The following CREB3L2 variants were observed in gnomAD, a reference collection of about 807,000 sequenced individuals.
The protein encoded by CREB3L2 is cyclic AMP-responsive element-binding protein 3-like protein 2.
Under a neutral mutation model 57.2 loss-of-function variants are expected in CREB3L2, and 23 were observed. The observed-to-expected ratio is 0.40, with a 90% CI of 0.29 to 0.57. The LOEUF (loss-of-function observed/expected upper bound fraction) is 0.57. Ranked by LOEUF, CREB3L2 falls within the 20% of genes least tolerant of loss-of-function variation. CREB3L2 has a pLI of 0.42. For synonymous variants in CREB3L2, 268 were observed against 265.1 expected (o/e 1.01, Z -0.11); for missense variants, 628 against 634.7 (o/e 0.99, Z 0.11).
At position 137,880,683 on chromosome 7, in the gene CREB3L2, T is replaced by C; in HGVS notation, c.1488-132A>G. The C allele has an allele frequency of 1.4e-6, 1 of 713,652 alleles. No homozygotes were observed. Among genetic ancestry groups the C allele is most frequent in the South Asian group, 1.6e-5 (1 of 63,064 alleles). 44.2% of individuals were successfully genotyped at this position (713,652 alleles called of 1,614,324 possible). A position where few individuals can be genotyped will look rare whatever the true frequency, so the allele number is the denominator to read the frequency against. On this transcript the variant is annotated intron_variant, in intron 11 of 11. Coordinates refer to ENST00000330387, the MANE Select transcript of CREB3L2 (RefSeq NM_194071.4). This position sits in a 1 kb window ranked among gnomAD's most constrained non-coding sequence, Gnocchi z 4.0. ...ACGGCCTGGGCATGTTTCTTGTCCT[T>C]TTCTCTCCTAGTAGCAATTCTCTGT...
At chr7:137,989,204 G>C (rs1801843317) in intron 1 of CREB3L2, among the ~76,000 whole-genome samples, 1 of 152,110 alleles carries the variant, frequency 6.6e-6, no homozygotes, top group East Asian at 1.9e-4. Context: ...CTGGAAACCA[G>C]GCCTCTCCTT....
intron 10 of CREB3L2, chr7:137,884,747 G>A: frequency 3.3e-6 from 2 of 611,348 alleles, no homozygotes; most frequent in South Asian, 4.0e-5. Flanking sequence ...ATGGATCAGG[G>A]AACACAGTCT....
At chr7:137,882,987 C>T (rs1299758021) in intron 10 of CREB3L2, among the ~76,000 whole-genome samples, 1 of 152,084 alleles carries the variant, frequency 6.6e-6, no homozygotes, top group Non-Finnish European at 1.5e-5. Flanking sequence ...TGTCCAGACC[C>T]AGCTAAAAGA....
Position 137,874,996 on chromosome 7 carries a change from A to G in CREB3L2, c.*5480T>C, listed in dbSNP as rs1323893481. 5.5e-6 allele frequency: 1 copy of G among 181,896 alleles called. No individual in the cohort carries two copies. The highest frequency in any genetic ancestry group is 1.2e-5 in the Non-Finnish European group (1 of 85,150). 11.3% of individuals were successfully genotyped at this position (181,896 alleles called of 1,614,324 possible). On this transcript the variant is annotated 3_prime_UTR_variant, in exon 12 of 12. Transcript: ENST00000330387. Reference sequence around the variant, plus strand: ...GCAACATCTTACTATTTAAGAAAAAATATTTATTTGCAAGAAATGGAAATA... The same window carrying G: ...GCAACATCTTACTATTTAAGAAAAAGTATTTATTTGCAAGAAATGGAAATA...
chr7:137,903,183 T>C (rs143891635), intron 7 of CREB3L2, among the ~76,000 whole-genome samples: 1 of 152,238 alleles, frequency 6.6e-6, no homozygotes, highest in Non-Finnish European at 1.5e-5. Context: ...CCCCCAGATA[T>C]GGAGAGCCAA....
At chr7:137,964,408 C>A (rs1243496297) in intron 1 of CREB3L2, among the ~76,000 whole-genome samples, 3 of 152,238 alleles carry the variant, frequency 2.0e-5, no homozygotes, top group African/African-American at 4.8e-5. Flanking sequence ...ACACTTGTCA[C>A]TACCAAATCA....
intron 7 of CREB3L2, 37 bp from the exon 8 acceptor site, chr7:137,901,459 T>C (rs1478338136): frequency 1.5e-5 from 20 of 1,367,606 alleles, no homozygotes; most frequent in Admixed American, 1.0e-4. Context: ...TTATTATCCA[T>C]AGAGCAAACA....
intron 1 of CREB3L2, among the ~76,000 whole-genome samples, chr7:137,992,896 A>C (rs1801924538): frequency 6.6e-6 from 1 of 152,224 alleles, no homozygotes; most frequent in Non-Finnish European, 1.5e-5. Context: ...AGTAGGACCC[A>C]GCGGGCAGAG....
intron 1 of CREB3L2, among the ~76,000 whole-genome samples, chr7:137,994,965 A>G (rs1254609564): frequency 1.3e-5 from 2 of 152,220 alleles, no homozygotes; most frequent in African/African-American, 4.8e-5. Context: ...AATGATCCCA[A>G]TGGTCATGCT....
chr7:137,926,565 C>A (rs184296322), intron 2 of CREB3L2, among the ~76,000 whole-genome samples: 1 of 152,178 alleles, frequency 6.6e-6, no homozygotes, highest in East Asian at 1.9e-4. Flanking sequence ...ACATCACACA[C>A]CAGGGCCTGT....
chr7:137,955,605 G>C (rs1279841889), intron 1 of CREB3L2, among the ~76,000 whole-genome samples: 1 of 152,050 alleles, frequency 6.6e-6, no homozygotes, highest in Non-Finnish European at 1.5e-5. Context: ...CCACCACCTC[G>C]ACTTTTCAAA....
At chr7:137,888,081 T>C (rs1305579195) in intron 8 of CREB3L2, among the ~76,000 whole-genome samples, 1 of 152,110 alleles carries the variant, frequency 6.6e-6, no homozygotes. Flanking sequence ...GCCTCCTGAG[T>C]AGCTGGGAGG....
At position 137,972,724 on chromosome 7, in the gene CREB3L2, TATATATATATATAGAGAGAGAGAG is replaced by T. The variant is rs1199432172; in HGVS notation, c.102+28856_102+28879del. On this transcript the variant is annotated intron_variant, in intron 1 of 11. Transcript: ENST00000330387. ...AAAAAAAAAAAAAAATATATATATA[TATATATATATATAGAGAGAGAGAG>T]AGAGAGAGAGAGAGAGAGAGAGAAA... Among the ~76,000 whole-genome samples the T allele has an allele frequency of 2.3e-3, 52 of 22,456 alleles. 2 individuals carry two copies. Among genetic ancestry groups the T allele is most frequent in the African/African-American group, 0.017 (52 of 3,056 alleles). 14.7% of individuals were successfully genotyped at this position (22,456 alleles called of 152,430 possible).
intron 4 of CREB3L2, among the ~76,000 whole-genome samples, chr7:137,910,162 A>C (rs1202052301): frequency 6.6e-6 from 1 of 152,144 alleles, no homozygotes; most frequent in Non-Finnish European, 1.5e-5. Context: ...GGAATACCTG[A>C]ATAGCCGAGG....
chr7:137,919,744 T>G (rs553732386), intron 2 of CREB3L2, among the ~76,000 whole-genome samples: 2 of 152,244 alleles, frequency 1.3e-5, no homozygotes, highest in African/African-American at 2.4e-5. Flanking sequence ...TAATATTACA[T>G]GTATACAGCC....
At chr7:137,977,542 C>T (rs1801629552) in intron 1 of CREB3L2, among the ~76,000 whole-genome samples, 1 of 152,154 alleles carries the variant, frequency 6.6e-6, no homozygotes, top group African/African-American at 2.4e-5. Context: ...AAATTAATTT[C>T]ATTTTGAAGG....
At position 137,880,922 on chromosome 7, in the gene CREB3L2, G is replaced by A. The variant is rs1799278660; in HGVS notation, c.1488-371C>T. The stretch of plus-strand genomic sequence containing the variant: ...ATGATAAGAGCTGATCCTTGGCCTA[G>A]AAGAGCTAATAATCCAGATAAAGAT... On this transcript the variant is annotated intron_variant, in intron 11 of 11. Coordinates refer to ENST00000330387, the MANE Select transcript of CREB3L2 (RefSeq NM_194071.4). This position sits in a 1 kb window ranked among gnomAD's most constrained non-coding sequence, Gnocchi z 4.0. Among the ~76,000 whole-genome samples the A allele has an allele frequency of 1.3e-5, 2 of 152,292 alleles. No individual in the cohort carries two copies. The highest frequency in any genetic ancestry group is 2.1e-4 in the South Asian group (1 of 4,824).
intron 2 of CREB3L2, among the ~76,000 whole-genome samples, chr7:137,926,660 G>A (rs1800467266): frequency 6.6e-6 from 1 of 152,122 alleles, no homozygotes; most frequent in African/African-American, 2.4e-5. Flanking sequence ...TTCAAAAGAT[G>A]CTGCCATATG....
At chr7:137,931,859 A>T (rs1374961210) in intron 1 of CREB3L2, among the ~76,000 whole-genome samples, 5 of 152,250 alleles carry the variant, frequency 3.3e-5, no homozygotes, top group Non-Finnish European at 5.9e-5. Flanking sequence ...ATTTAAAAAA[A>T]TTTGAATACA....
Sources: gnomAD v4.1 joint callset for allele counts (sites outside exome capture counted in the v4.1 genomes callset) on GRCh38, gnomAD v4.1.1 for gene constraint, Gnocchi (gnomAD v3.1) non-coding constraint, MANE v1.5 for transcripts, NCBI Gene and HGNC (gene_info 2026-07-23, HGNC 2026-07-21) for gene names.